Variants in TEX14 observed in about 807,000 individuals in gnomAD.
TEX14 encodes the protein testis expressed 14, intercellular bridge forming factor, also known as inactive serine/threonine-protein kinase TEX14.
In TEX14, 168 loss-of-function variants were observed where a neutral mutation model predicts 178.6. The observed-to-expected ratio is 0.94, with a 90% CI of 0.83 to 1.07. The LOEUF is 1.07. Ranked by LOEUF, TEX14 falls within the 50% of genes least tolerant of loss-of-function variation. The pLI is 0.00. For missense variants in TEX14, 1,730 were observed against 1,753.6 expected (o/e 0.99, Z 0.24); for synonymous variants, 626 against 634.1 (o/e 0.99, Z 0.19).
rs1367812644 is a variant in TEX14, at chr17:58,651,964, A to C, written c.38T>G (p.Val13Gly). ...RAVRLPVPCP[V>G]QLGTLRNDSL... ...GTCATTTCTTAAGGTACCAAGTTGA[A>C]CAGGACAGGGGACTGGAAGACGAAC... The change falls in exon 2 of 32, where the codon GTT becomes GGT. Residue 13 changes from valine to glycine, a missense_variant. Around this residue, in one of 2 missense-constraint regions of TEX14, gnomAD observed 789 missense variants for 681.2 expected, o/e 1.16. Transcript: ENST00000349033. 6.2e-7 allele frequency: 1 copy of C among 1,613,096 alleles called. No individual in the cohort carries two copies. The highest frequency in any genetic ancestry group is 2.2e-5 in the East Asian group (1 of 44,842).
intron 31 of TEX14, among the ~76,000 whole-genome samples, 158 bp downstream of exon 31, chr17:58,557,637 TTTAA>T (rs1258264168): frequency 5.9e-5 from 9 of 152,186 alleles, no homozygotes; most frequent in South Asian, 2.1e-4. Context: ...CACTTTATAG[TTTAA>T]TTAACTATAA....
chr17:58,602,545 G>A lies in TEX14; in HGVS notation c.1382C>T (p.Ala461Val), dbSNP rs769698662. The change falls in exon 12 of 32, where the codon GCC (alanine) becomes GTC (valine). Residue 461 changes from alanine to valine, a missense_variant. This residue lies in a region of TEX14 where 789 missense variants were observed against 681.2 expected (regional missense o/e 1.16). Coordinates refer to ENST00000349033, the MANE Select transcript of TEX14 (RefSeq NM_031272.5). The part of the protein sequence containing the change: ...KGLDGSVVKK[A>V]VVSGNYLEAD... ...TTCTAAATAATTCCCCGAGACTACGGCTTTTTTAACAACTGAGCCATCTAA... is the reference window on the plus strand; with the variant it reads ...TTCTAAATAATTCCCCGAGACTACGACTTTTTTAACAACTGAGCCATCTAA... 6.2e-7 allele frequency: 1 copy of A among 1,613,860 alleles called. No individual in the cohort carries two copies. The highest frequency in any genetic ancestry group is 8.5e-7 in the Non-Finnish European group (1 of 1,180,014).
In TEX14 at chr17:58,615,249, G is replaced by A. The variant is rs761462389; in HGVS notation, c.864C>T (p.Ala288=). The change falls in exon 8 of 32, where the codon GCC becomes GCT. Residue 288 remains alanine (A), a synonymous_variant. Transcript: ENST00000349033. ...SRLRLADLLI[A]EQEHSSKLRH... is the part of the protein sequence containing the mutation. ...CTTCTCACCTGCTGTGTTCCTGCTCGGCAATTAACAAGTCGGCCAGCCGCA... is the reference window on the plus strand; with the variant it reads ...CTTCTCACCTGCTGTGTTCCTGCTCAGCAATTAACAAGTCGGCCAGCCGCA... 20 of 1,611,906 alleles carry A rather than the reference G, an allele frequency of 1.2e-5. No individual in the cohort carries two copies. The highest frequency in any genetic ancestry group is 1.6e-4 in the Middle Eastern group (1 of 6,070).
At chr17:58,582,768 T>C (rs2044853671) in intron 19 of TEX14, among the ~76,000 whole-genome samples, 1 of 151,400 alleles carries the variant, frequency 6.6e-6, no homozygotes, top group Non-Finnish European at 1.5e-5. Context: ...TTCACCATGT[T>C]GGCATGGCTG....
chr17:58,596,575 G>A (rs774990372), intron 14 of TEX14, among the ~76,000 whole-genome samples: 19 of 152,054 alleles, frequency 1.2e-4, no homozygotes, highest in Non-Finnish European at 2.2e-4. Flanking sequence ...ACCTGGCTGT[G>A]TCTTCTCTTT....
Position 58,605,072 on chromosome 17 carries a change from G to A in TEX14, c.1242C>T (p.Tyr414=). The change falls in exon 11 of 32, where the codon TAC becomes TAT. Residue 414 remains tyrosine, a synonymous_variant. Coordinates refer to ENST00000349033, the MANE Select transcript of TEX14 (RefSeq NM_031272.5). The part of the protein sequence containing the change: ...LTRVPLPTQL[Y]NWAAPEVILQ... ...AGATCACTTCTGGTGCGGCCCAGTT[G>A]TATAGCTGCGTAGGAAGGGGCACTC... 6.2e-7 allele frequency: 1 copy of A among 1,614,198 alleles called. No individual in the cohort carries two copies. Among genetic ancestry groups the A allele is most frequent in the Non-Finnish European group, 8.5e-7 (1 of 1,180,024 alleles).
At position 58,581,639 on chromosome 17, in the gene TEX14, G is replaced by A. The variant is rs193920796; in HGVS notation, c.3172-1908C>T. On this transcript the variant is annotated intron_variant, in intron 19 of 31. Coordinates refer to ENST00000349033, the MANE Select transcript of TEX14 (RefSeq NM_031272.5). ...TAGAGCTAAGTTTTCTTGAGCAGTC[G>A]AGGAGTAAAAATATTCACCGTCTGG... 9 of 1,613,836 alleles carry A rather than the reference G, an allele frequency of 5.6e-6. No individual in the cohort carries two copies. The Admixed American group carries it at 6.7e-5, about 12-fold the overall frequency.
At chr17:58,623,162 T>G in intron 3 of TEX14, 150 bp from the exon 4 acceptor site, 1 of 601,828 alleles carries the variant, frequency 1.7e-6, no homozygotes. Context: ...CCCCTGTCTG[T>G]GCCCACAGGA....
chr17:58,670,786 A>C (rs1162759513), intron 1 of TEX14, among the ~76,000 whole-genome samples: 3 of 150,808 alleles, frequency 2.0e-5, no homozygotes, highest in Admixed American at 6.6e-5. Flanking sequence ...AAAAAAAAAA[A>C]AAAAAAAAAA....
At chr17:58,632,016 T>C (rs540016294) in intron 2 of TEX14, among the ~76,000 whole-genome samples, 15 of 152,326 alleles carry the variant, frequency 9.8e-5, no homozygotes, top group African/African-American at 3.1e-4. Context: ...TCGAAGATAC[T>C]TTAGGCAATC....
intron 20 of TEX14, among the ~76,000 whole-genome samples, chr17:58,578,019 C>T (rs1045904866): frequency 6.6e-6 from 1 of 152,198 alleles, no homozygotes; most frequent in Non-Finnish European, 1.5e-5. Context: ...TCCAGGCAGG[C>T]AGGGCCAGTA....
chr17:58,600,014 A>G (rs942945964), intron 13 of TEX14, among the ~76,000 whole-genome samples: 3 of 152,072 alleles, frequency 2.0e-5, no homozygotes. Flanking sequence ...CTTTTGTTTT[A>G]TAGAGATGGG....
chr17:58,565,011 A>T (rs999779256), intron 27 of TEX14, 43 bp from the exon 28 acceptor site: 16 of 1,326,162 alleles, frequency 1.2e-5, no homozygotes, highest in African/African-American at 3.0e-5. Flanking sequence ...AACGAAAAAA[A>T]AATTGAGAAA....
At chr17:58,671,627 A>G (rs1441926035) in intron 1 of TEX14, among the ~76,000 whole-genome samples, 1 of 152,080 alleles carries the variant, frequency 6.6e-6, no homozygotes, top group African/African-American at 2.4e-5. Context: ...AGGATGGCCA[A>G]TGTCCTTAGG....
intron 10 of TEX14, among the ~76,000 whole-genome samples, chr17:58,605,978 T>G (rs2045597516): frequency 1.3e-5 from 2 of 152,214 alleles, no homozygotes; most frequent in South Asian, 4.1e-4. Flanking sequence ...TAAATGAACG[T>G]AAACTCTTTC....
At chr17:58,566,731 G>A (rs527345268) in intron 26 of TEX14, among the ~76,000 whole-genome samples, 78 of 150,678 alleles carry the variant, frequency 5.2e-4, no homozygotes, top group African/African-American at 1.8e-3. Flanking sequence ...CCCAGGAGGT[G>A]GAGGTTGCAG....
At chr17:58,652,292 C>T (rs2046856201) in intron 1 of TEX14, among the ~76,000 whole-genome samples, 2 of 152,020 alleles carry the variant, frequency 1.3e-5, no homozygotes. Context: ...CAAATCTCAC[C>T]TTGAATTGTA....
At chr17:58,560,706 A>G (rs1056692223) in intron 29 of TEX14, among the ~76,000 whole-genome samples, 1 of 152,136 alleles carries the variant, frequency 6.6e-6, no homozygotes, top group Non-Finnish European at 1.5e-5. Flanking sequence ...CTCATATGAC[A>G]TGGTTTCCAG....
At chr17:58,615,084 G>A (rs147546479) in intron 8 of TEX14, 148 bp downstream of exon 8, 17 of 559,770 alleles carry the variant, frequency 3.0e-5, no homozygotes, top group Non-Finnish European at 4.1e-5. Flanking sequence ...GCAGCCCTTC[G>A]AAGTCAAGTC....
Sources: gnomAD v4.1 joint callset for allele counts (sites outside exome capture counted in the v4.1 genomes callset) on GRCh38, gnomAD v4.1.1 for gene constraint, gnomAD v4.1.1 regional missense constraint, MANE v1.5 for transcripts, NCBI Gene and HGNC (gene_info 2026-07-23, HGNC 2026-07-21) for gene names.